SLC44A4: variants seen among roughly 807,000 people sequenced by gnomAD.
SLC44A4 encodes the protein solute carrier family 44 member 4.
Under a neutral mutation model 97.0 loss-of-function variants are expected in SLC44A4, and 74 were observed. That is an observed-to-expected ratio of 0.76 (90% CI 0.63 to 0.93). SLC44A4 has a LOEUF of 0.93. Among genes scored for constraint, SLC44A4 ranks in the 40% least tolerant of loss-of-function variants. The probability of loss-of-function intolerance (pLI) is 0.00; values close to 1 mark genes in which losing one functional copy is unlikely to be tolerated. For missense variants in SLC44A4, 799 were observed against 902.9 expected (o/e 0.88, Z 1.48); for synonymous variants, 325 against 363.8 (o/e 0.89, Z 1.21).
Position 31,876,316 on chromosome 6 carries a change from T to C in SLC44A4, c.90-187A>G, listed in dbSNP as rs1330272069. ...CAGGGTCTCACTCTGTCACACAGAC[T>C]GGAGTGCAGTGGTGCAATCTTGGCT... is the stretch of plus-strand genomic sequence containing the variant. On this transcript the variant is annotated intron_variant, in intron 2 of 20. Transcript: ENST00000229729. The surrounding 1 kb of genome is among the most constrained non-coding windows in gnomAD (Gnocchi z 4.8). Among the ~76,000 whole-genome samples, 1 of 152,188 alleles carries C rather than the reference T, an allele frequency of 6.6e-6. No homozygotes were observed. The highest frequency in any genetic ancestry group is 6.5e-5 in the Admixed American group (1 of 15,284).
rs1266953334 is a variant in SLC44A4, at chr6:31,871,321, T to A, written c.694A>T (p.Ile232Phe). The stretch of plus-strand genomic sequence containing the variant: ...GGGAATCTGGTGACTCACACAAGAA[T>A]CCAATACCAGGACTGGGCAAAATCT... ...FEDFAQSWYWILVALGVALVL... is the reference protein window; with the variant it reads ...FEDFAQSWYWFLVALGVALVL... Residue 232 changes from isoleucine to phenylalanine, a missense_variant, in exon 9 of 21, where the codon ATT becomes TTT. Ile to Phe is a conservative substitution (Grantham distance 21). Coordinates refer to ENST00000229729, the MANE Select transcript of SLC44A4 (RefSeq NM_025257.3). 6.2e-7 allele frequency: 1 copy of A among 1,613,856 alleles called. No individual in the cohort carries two copies. Among genetic ancestry groups the A allele is most frequent in the Admixed American group, 1.7e-5 (1 of 60,008 alleles).
Position 31,874,704 on chromosome 6 carries a change from T to G in SLC44A4, c.468+17A>C. 1 of 1,601,396 alleles carries G rather than the reference T, an allele frequency of 6.2e-7. No individual in the cohort carries two copies. The stretch of plus-strand genomic sequence containing the variant: ...GCCCTTCTGGGCGACAGTGATGAGG[T>G]TAGGGGCAATATTCACCATATTCCA... On this transcript the variant is annotated intron_variant, in intron 6 of 20. Coordinates refer to ENST00000229729, the MANE Select transcript of SLC44A4 (RefSeq NM_025257.3). This position sits in a 1 kb window ranked among gnomAD's most constrained non-coding sequence, Gnocchi z 4.8.
rs754562124 is a variant in SLC44A4 at position 31,871,407 on chromosome 6, A to C, written c.618-10T>G. On this transcript the variant is annotated splice_polypyrimidine_tract_variant and intron_variant, in intron 8 of 20. Coordinates refer to ENST00000229729, the MANE Select transcript of SLC44A4 (RefSeq NM_025257.3). ...GCTGTCAATAAGACCGCTGTTGGGG[A>C]GACAGAGTCAGATGGGGCTGTGGGT... 6.2e-7 allele frequency: 1 copy of C among 1,614,050 alleles called. No homozygotes were observed. Among genetic ancestry groups the C allele is most frequent in the Non-Finnish European group, 8.5e-7 (1 of 1,179,952 alleles).
intron 9 of SLC44A4, 70 bp from the exon 10 acceptor site, chr6:31,871,117 C>G: frequency 7.0e-6 from 10 of 1,428,554 alleles, no homozygotes; most frequent in Non-Finnish European, 9.6e-6. Context: ...AGAGGCCCTC[C>G]CTGCCTTTCC....
At chr6:31,869,331 A>G in intron 12 of SLC44A4, 74 bp from the exon 13 acceptor site, 1 of 1,225,564 alleles carries the variant, frequency 8.2e-7, no homozygotes, top group South Asian at 1.4e-5. Context: ...ACCTGTTCCT[A>G]GGTGCTTGTG....
intron 20 of SLC44A4, among the ~76,000 whole-genome samples, chr6:31,864,013 G>A (rs892976635): frequency 3.3e-5 from 5 of 151,768 alleles, no homozygotes; most frequent in Admixed American, 1.3e-4. Flanking sequence ...TGTAGAGTAA[G>A]AAAATCCCCT....
chr6:31,864,218 GC>G (rs952219011), intron 20 of SLC44A4, among the ~76,000 whole-genome samples: 2 of 152,128 alleles, frequency 1.3e-5, no homozygotes, highest in Non-Finnish European at 2.9e-5. Flanking sequence ...GGGATTACAG[GC>G]GCCCGCCACC....
rs551771731 is a variant in SLC44A4 at position 31,876,269 on chromosome 6, C to T, written c.90-140G>A. On this transcript the variant is annotated intron_variant, in intron 2 of 20. Coordinates refer to ENST00000229729, the MANE Select transcript of SLC44A4 (RefSeq NM_025257.3). The surrounding 1 kb of genome is among the most constrained non-coding windows in gnomAD (Gnocchi z 4.8). ...AGGCTTTATTTTTATTTTTTTATTG[C>T]TTTTACTTTTTTATTTTGAGACAGG... The T allele has an allele frequency of 1.6e-6, 1 of 638,116 alleles. No homozygotes were observed. Among genetic ancestry groups the T allele is most frequent in the Admixed American group, 3.2e-5 (1 of 31,528 alleles). The allele number at this position is 638,116 out of a possible 1,614,324, so 39.5% of individuals were successfully genotyped here.
In SLC44A4 at chr6:31,865,622, T is replaced by C; in HGVS notation, c.1583-21A>G. ...CACTCCTGGGAGCGAGGAAGGCTCA[T>C]GTTTGGTCACTGCCCCTCCCTAATG... On this transcript the variant is annotated intron_variant, in intron 15 of 20. Coordinates refer to ENST00000229729, the MANE Select transcript of SLC44A4 (RefSeq NM_025257.3). This position sits in a 1 kb window ranked among gnomAD's most constrained non-coding sequence, Gnocchi z 5.2. The C allele has an allele frequency of 1.2e-6, 2 of 1,609,704 alleles. No individual in the cohort carries two copies. The highest frequency in any genetic ancestry group is 1.7e-6 in the Non-Finnish European group (2 of 1,177,042).
Position 31,877,189 on chromosome 6 carries a change from G to A in SLC44A4, c.41-107C>T. 8.5e-7 allele frequency: 1 copy of A among 1,183,230 alleles called. No homozygotes were observed. 73.3% of individuals were successfully genotyped at this position (1,183,230 alleles called of 1,614,324 possible). A position where few individuals can be genotyped will look rare whatever the true frequency, so the allele number is the denominator to read the frequency against. On this transcript the variant is annotated intron_variant, in intron 1 of 20. Coordinates refer to ENST00000229729, the MANE Select transcript of SLC44A4 (RefSeq NM_025257.3). The surrounding 1 kb of genome is among the most constrained non-coding windows in gnomAD (Gnocchi z 6.5). ...CTACCCAGGCCTCAGGTGTTTGGAG[G>A]GAGATGGGCTAGGGCAGGACTGGCA...
rs1342662367 is a variant in SLC44A4, at chr6:31,869,559, C to T, written c.1116G>A (p.Trp372Ter). 1 of 1,603,946 alleles carries T rather than the reference C, an allele frequency of 6.2e-7. No homozygotes were observed. The highest frequency in any genetic ancestry group is 8.5e-7 in the Non-Finnish European group (1 of 1,176,080). Reference sequence around the variant, plus strand: ...GCAGAGGATACAGAGCAGTCATGGCCCAGTAGGCAATGCAGATGAGGAGGA... The same window carrying T: ...GCAGAGGATACAGAGCAGTCATGGCTCAGTAGGCAATGCAGATGAGGAGGA... ...FVLLLICIAY[W>*]AMTALYLATS... The change falls in exon 12 of 21, where the codon TGG becomes TGA. Residue 372 changes from tryptophan (W) to a stop codon, truncating the protein, a stop_gained. Transcript: ENST00000229729. LOFTEE classifies it high-confidence loss of function.
intron 9 of SLC44A4, 84 bp downstream of exon 9, chr6:31,871,230 T>C (rs1244316549): frequency 1.4e-6 from 2 of 1,417,074 alleles, no homozygotes; most frequent in Admixed American, 1.7e-5. Context: ...GTCCAAAGCC[T>C]GTGTTTCAGA....
Position 31,877,662 on chromosome 6 carries a change from G to A in SLC44A4, c.41-580C>T. ...GGCCCTGTACATCCTCACTCTGGTGGGACCTCAGTCCCCTGGCCACAGTGT... is the reference window on the plus strand; with the variant it reads ...GGCCCTGTACATCCTCACTCTGGTGAGACCTCAGTCCCCTGGCCACAGTGT... On this transcript the variant is annotated intron_variant, in intron 1 of 20. Coordinates refer to ENST00000229729, the MANE Select transcript of SLC44A4 (RefSeq NM_025257.3). This position sits in a 1 kb window ranked among gnomAD's most constrained non-coding sequence, Gnocchi z 6.5. 2 of 985,342 alleles carry A rather than the reference G, an allele frequency of 2.0e-6. No individual in the cohort carries two copies. The highest frequency in any genetic ancestry group is 2.4e-6 in the Non-Finnish European group (2 of 829,706). 61.0% of individuals were successfully genotyped at this position (985,342 alleles called of 1,614,324 possible).
intron 9 of SLC44A4, 91 bp from the exon 10 acceptor site, chr6:31,871,138 C>G (rs1763152573): frequency 2.3e-6 from 3 of 1,320,154 alleles, no homozygotes; most frequent in African/African-American, 1.5e-5. Flanking sequence ...ACACACCACC[C>G]AATGTCCCCA....
At chr6:31,868,651 C>T (rs1024944073) in intron 13 of SLC44A4, among the ~76,000 whole-genome samples, 4 of 152,092 alleles carry the variant, frequency 2.6e-5, no homozygotes, top group African/African-American at 9.7e-5. Flanking sequence ...TTAAAATTAG[C>T]CTGGCGTGGT....
At position 31,876,127 on chromosome 6, in the gene SLC44A4, C is replaced by G; in HGVS notation, c.92G>C (p.Ser31Thr). ...PSFRGPIKNR[S>T]CTDVICCVLF... ...GACGCAGCAGATGACATCTGTGCAG[C>G]TTCTGAGAGAGAAACGAAACGGGAG... Residue 31 changes from serine to threonine, a missense_variant and splice_region_variant, in exon 3 of 21, where the codon AGC becomes ACC. Transcript: ENST00000229729. The surrounding 1 kb of genome is among the most constrained non-coding windows in gnomAD (Gnocchi z 4.8). 6.2e-7 allele frequency: 1 copy of G among 1,612,402 alleles called. No homozygotes were observed. Among genetic ancestry groups the G allele is most frequent in the African/African-American group, 1.3e-5 (1 of 74,984 alleles).
At position 31,877,067 on chromosome 6, in the gene SLC44A4, T is replaced by C; in HGVS notation, c.56A>G (p.Tyr19Cys). The C allele has an allele frequency of 6.2e-7, 1 of 1,610,440 alleles. No homozygotes were observed. The highest frequency in any genetic ancestry group is 8.5e-7 in the Non-Finnish European group (1 of 1,179,270). ...GATGGGGCCTCGAAAGGAGGGGTCG[T>C]ATTTGACTGGCTTCCCTGAGGGACA... is the stretch of plus-strand genomic sequence containing the variant. Reference protein sequence around the residue: ...DDEAYGKPVKYDPSFRGPIKN... With the variant: ...DDEAYGKPVKCDPSFRGPIKN... The change falls in exon 2 of 21, where the codon TAC becomes TGC. Residue 19 changes from tyrosine to cysteine, a missense_variant. By Grantham distance (194) the Tyr-to-Cys change is radical. Coordinates refer to ENST00000229729, the MANE Select transcript of SLC44A4 (RefSeq NM_025257.3). This position sits in a 1 kb window ranked among gnomAD's most constrained non-coding sequence, Gnocchi z 6.5.
chr6:31,871,076 C>T, intron 9 of SLC44A4, 29 bp from the exon 10 acceptor site: 1 of 1,565,538 alleles, frequency 6.4e-7, no homozygotes. Flanking sequence ...CAGTGAGGTT[C>T]AGCCCTAGCC....
At chr6:31,864,983 C>G (rs1244877639) in intron 18 of SLC44A4, 27 bp downstream of exon 18, 1 of 1,613,974 alleles carries the variant, frequency 6.2e-7, no homozygotes, top group African/African-American at 1.3e-5. Flanking sequence ...CCCCTACCCT[C>G]TGTCCCCACA....
Sources: gnomAD v4.1 joint callset for allele counts (sites outside exome capture counted in the v4.1 genomes callset) on GRCh38, gnomAD v4.1.1 for gene constraint, Gnocchi (gnomAD v3.1) non-coding constraint, MANE v1.5 for transcripts, NCBI Gene and HGNC (gene_info 2026-07-23, HGNC 2026-07-21) for gene names.